The following WWOX variants were observed in gnomAD, a reference collection of about 807,000 sequenced individuals.
The protein encoded by WWOX is WW domain containing oxidoreductase, also known as WW domain-containing oxidoreductase.
Under a neutral mutation model 46.2 loss-of-function variants are expected in WWOX, and 69 were observed. The observed-to-expected ratio is 1.49, with a 90% CI of 1.23 to 1.82. WWOX has a LOEUF of 1.82. WWOX is among the 40% of genes most tolerant of loss of function. The probability of loss-of-function intolerance (pLI) is 0.00; values close to 1 mark genes in which losing one functional copy is unlikely to be tolerated. For synonymous variants in WWOX, 359 were observed against 202.6 expected (o/e 1.77, Z -6.56); for missense variants, 919 against 542.6 (o/e 1.69, Z -6.89).
At chr16:78,106,080 GCGTGAGCCAC>G (rs2032124844) in intron 1 of WWOX, among the ~76,000 whole-genome samples, 1 of 152,194 alleles carries the variant, frequency 6.6e-6, no homozygotes, top group Non-Finnish European at 1.5e-5. Flanking sequence ...GGGATTACAG[GCGTGAGCCAC>G]CGTACCCCGC....
chr16:78,322,171 A>C (rs915398223), intron 5 of WWOX, among the ~76,000 whole-genome samples: 1 of 152,154 alleles, frequency 6.6e-6, no homozygotes, highest in East Asian at 1.9e-4. Flanking sequence ...TGGGGGGAAG[A>C]CAAGGACAAA....
At chr16:78,615,668 G>A (rs895363973) in intron 8 of WWOX, among the ~76,000 whole-genome samples, 8 of 150,890 alleles carry the variant, frequency 5.3e-5, no homozygotes, top group African/African-American at 2.0e-4. Flanking sequence ...AAAAATAAAT[G>A]AAATAAATAA....
In WWOX at chr16:78,322,577, G is replaced by T. The variant is rs184188282; in HGVS notation, c.517-64283G>T. Among the ~76,000 whole-genome samples, 127 of 152,352 alleles carry T rather than the reference G, an allele frequency of 8.3e-4. 1 individual carries two copies. Among genetic ancestry groups the T allele is most frequent in the African/African-American group, 3.0e-3 (125 of 41,582 alleles). On this transcript the variant is annotated intron_variant, in intron 5 of 8. Transcript: ENST00000566780. The stretch of plus-strand genomic sequence containing the variant: ...CTAGCATCGTACAGTCAGTGAGTGT[G>T]AGAGGTACAATTCAAACCCAGGTAG...
At chr16:79,014,125 A>G (rs888739580) in intron 8 of WWOX, among the ~76,000 whole-genome samples, 1 of 152,210 alleles carries the variant, frequency 6.6e-6, no homozygotes, top group African/African-American at 2.4e-5. Flanking sequence ...GAGCTGGCAG[A>G]GACCAAGATC....
chr16:79,123,408 T>G (rs1330753213), intron 8 of WWOX, among the ~76,000 whole-genome samples: 3 of 151,920 alleles, frequency 2.0e-5, no homozygotes, highest in Admixed American at 6.6e-5. Context: ...TTTTCGGGAG[T>G]GGAAATGAGG....
chr16:78,184,622 G>T (rs1235233563), intron 5 of WWOX, among the ~76,000 whole-genome samples: 1 of 152,030 alleles, frequency 6.6e-6, no homozygotes, highest in Non-Finnish European at 1.5e-5. Context: ...GATGCTGAGA[G>T]AAGGCAAAGA....
intron 8 of WWOX, among the ~76,000 whole-genome samples, chr16:78,827,483 C>A (rs191692769): frequency 6.6e-6 from 1 of 151,976 alleles, no homozygotes; most frequent in Non-Finnish European, 1.5e-5. Flanking sequence ...ACATTTCCAG[C>A]CCCATTTTCT....
intron 5 of WWOX, among the ~76,000 whole-genome samples, chr16:78,208,112 C>T (rs1295826812): frequency 6.6e-6 from 1 of 152,230 alleles, no homozygotes; most frequent in Admixed American, 6.5e-5. Flanking sequence ...TCCATCTGGC[C>T]TCAGCAGTGC....
intron 4 of WWOX, among the ~76,000 whole-genome samples, chr16:78,147,574 A>G (rs1038123572): frequency 5.3e-5 from 8 of 152,088 alleles, no homozygotes; most frequent in African/African-American, 1.9e-4. Flanking sequence ...CTTTGGTAGC[A>G]TAAAGACTTT....
At chr16:78,279,824 A>T (rs546926008) in intron 5 of WWOX, among the ~76,000 whole-genome samples, 82 of 152,350 alleles carry the variant, frequency 5.4e-4, no homozygotes, top group African/African-American at 1.8e-3. Flanking sequence ...CCAACCTGAG[A>T]TGAAGTATCA....
intron 8 of WWOX, among the ~76,000 whole-genome samples, chr16:78,706,156 C>T (rs573133243): frequency 5.5e-5 from 8 of 145,812 alleles, no homozygotes; most frequent in Non-Finnish European, 1.0e-4. Flanking sequence ...AAGGCATTTC[C>T]ATCTTATCAA....
intron 8 of WWOX, among the ~76,000 whole-genome samples, chr16:79,097,222 A>G (rs1275279336): frequency 1.3e-5 from 2 of 152,166 alleles, no homozygotes; most frequent in Admixed American, 6.5e-5. Flanking sequence ...TGCTTTTCTC[A>G]ATAATTGCAT....
chr16:78,480,974 T>C (rs903740411), intron 8 of WWOX, among the ~76,000 whole-genome samples: 1 of 152,170 alleles, frequency 6.6e-6, no homozygotes, highest in Non-Finnish European at 1.5e-5. Context: ...AAGAGCAGGA[T>C]TGGTACTTCA....
chr16:78,119,454 A>T (rs2032981076), intron 4 of WWOX, among the ~76,000 whole-genome samples: 1 of 152,144 alleles, frequency 6.6e-6, no homozygotes, highest in South Asian at 2.1e-4. Context: ...CAAAGGCAGG[A>T]TCCTTCTAAT....
intron 8 of WWOX, among the ~76,000 whole-genome samples, chr16:79,012,926 T>G (rs1432226839): frequency 6.6e-6 from 1 of 152,136 alleles, no homozygotes; most frequent in East Asian, 1.9e-4. Context: ...GTGTGGTGGC[T>G]CATGCCTGTA....
At chr16:78,918,395 G>T (rs146708382) in intron 8 of WWOX, among the ~76,000 whole-genome samples, 2 of 151,826 alleles carry the variant, frequency 1.3e-5, no homozygotes, top group African/African-American at 2.4e-5. Flanking sequence ...TCCTTTCCAG[G>T]CTGGCTTCTT....
At chr16:78,468,253 A>G (rs867693035) in intron 8 of WWOX, among the ~76,000 whole-genome samples, 91 of 147,482 alleles carry the variant, frequency 6.2e-4, no homozygotes, top group African/African-American at 2.2e-3. Flanking sequence ...ATGCTGTTCT[A>G]GGCTGCCTTT....
At chr16:78,554,506 C>T (rs987726035) in intron 8 of WWOX, among the ~76,000 whole-genome samples, 1 of 152,100 alleles carries the variant, frequency 6.6e-6, no homozygotes, top group African/African-American at 2.4e-5. Context: ...CATACATACA[C>T]ATATATGCAC....
intron 6 of WWOX, among the ~76,000 whole-genome samples, chr16:78,414,752 C>A (rs1006278378): frequency 2.0e-5 from 3 of 152,264 alleles, no homozygotes; most frequent in Admixed American, 2.0e-4. Context: ...GCCTTTCATT[C>A]ATTTTACAGG....
Sources: gnomAD v4.1 joint callset for allele counts (sites outside exome capture counted in the v4.1 genomes callset) on GRCh38, gnomAD v4.1.1 for gene constraint, MANE v1.5 for transcripts, NCBI Gene and HGNC (gene_info 2026-07-23, HGNC 2026-07-21) for gene names.